XKR6: variants seen among roughly 807,000 people sequenced by gnomAD.
The protein encoded by XKR6 is XK-related protein 6.
In XKR6, 22 loss-of-function variants were observed where a neutral mutation model predicts 56.7. The observed-to-expected ratio is 0.39, with a 90% CI of 0.28 to 0.55. The LOEUF (loss-of-function observed/expected upper bound fraction) is 0.55. Among genes scored for constraint, XKR6 ranks in the 20% least tolerant of loss-of-function variants. The probability of loss-of-function intolerance (pLI) is 0.66; values close to 1 mark genes in which losing one functional copy is unlikely to be tolerated. For synonymous variants in XKR6, 524 were observed against 387.8 expected (o/e 1.35, Z -4.13); for missense variants, 852 against 889.0 (o/e 0.96, Z 0.53).
At chr8:10,955,167 C>T (rs533472949) in intron 1 of XKR6, among the ~76,000 whole-genome samples, 2 of 152,150 alleles carry the variant, frequency 1.3e-5, no homozygotes, top group East Asian at 1.9e-4. Flanking sequence ...CTGCACCCAG[C>T]CCCCGGCTTC....
intron 1 of XKR6, among the ~76,000 whole-genome samples, chr8:11,039,538 C>T (rs1240532876): frequency 6.6e-6 from 1 of 152,246 alleles, no homozygotes; most frequent in Non-Finnish European, 1.5e-5. Context: ...TTGACGGACC[C>T]ATGGCTGGGG....
intron 1 of XKR6, among the ~76,000 whole-genome samples, chr8:11,122,719 T>C (rs540515944): frequency 2.3e-4 from 35 of 152,238 alleles, no homozygotes; most frequent in Non-Finnish European, 4.1e-4. Flanking sequence ...CTGTTTACCA[T>C]TGGTAATCAC....
intron 1 of XKR6, among the ~76,000 whole-genome samples, chr8:10,973,533 G>C (rs1802466703): frequency 6.6e-6 from 1 of 152,138 alleles, no homozygotes; most frequent in Admixed American, 6.5e-5. Flanking sequence ...CTGATGCTCA[G>C]GGAAAGCGTA....
chr8:11,024,930 C>T (rs902011883), intron 1 of XKR6, among the ~76,000 whole-genome samples: 2 of 152,246 alleles, frequency 1.3e-5, no homozygotes, highest in Admixed American at 6.5e-5. Context: ...GCCACACACT[C>T]ACCATTAGGT....
chr8:11,182,194 G>C (rs914608796), intron 1 of XKR6, among the ~76,000 whole-genome samples: 5 of 152,230 alleles, frequency 3.3e-5, no homozygotes, highest in Non-Finnish European at 7.3e-5. Context: ...CTCCAAAAGG[G>C]AGGACCAGGC....
chr8:11,166,903 A>G (rs528076224), intron 1 of XKR6, among the ~76,000 whole-genome samples: 3 of 152,324 alleles, frequency 2.0e-5, no homozygotes, highest in Admixed American at 1.3e-4. Context: ...GGAAAATATT[A>G]ACACTAGTAT....
At chr8:11,033,915 A>C (rs1334776265) in intron 1 of XKR6, among the ~76,000 whole-genome samples, 1 of 152,198 alleles carries the variant, frequency 6.6e-6, no homozygotes, top group Non-Finnish European at 1.5e-5. Context: ...ACAAATGAGG[A>C]AACTGAGGCC....
At chr8:11,169,355 C>T (rs1802248243) in intron 1 of XKR6, among the ~76,000 whole-genome samples, 1 of 152,150 alleles carries the variant, frequency 6.6e-6, no homozygotes. Flanking sequence ...GCATTGGTGA[C>T]ACTCTAACAG....
chr8:11,185,817 T>G (rs1035164068), intron 1 of XKR6, among the ~76,000 whole-genome samples: 2 of 152,204 alleles, frequency 1.3e-5, no homozygotes, highest in Non-Finnish European at 2.9e-5. Flanking sequence ...AAAGAAAAAT[T>G]ATTTAAAACT....
chr8:10,900,315 C>T (rs1458991802), intron 2 of XKR6, among the ~76,000 whole-genome samples: 2 of 152,162 alleles, frequency 1.3e-5, no homozygotes, highest in African/African-American at 2.4e-5. Flanking sequence ...CTCGTCTCTC[C>T]CCGGGACCTG....
intron 1 of XKR6, among the ~76,000 whole-genome samples, chr8:11,081,160 T>G (rs527457964): frequency 6.6e-6 from 1 of 152,206 alleles, no homozygotes; most frequent in Non-Finnish European, 1.5e-5. Flanking sequence ...CTGAGAAAAG[T>G]AAGGATACTT....
At chr8:11,119,770 T>C (rs1378613957) in intron 1 of XKR6, among the ~76,000 whole-genome samples, 2 of 152,094 alleles carry the variant, frequency 1.3e-5, no homozygotes, top group Non-Finnish European at 2.9e-5. Context: ...TGATGAACAT[T>C]GATGCAAAAA....
intron 1 of XKR6, among the ~76,000 whole-genome samples, chr8:11,013,007 C>T (rs1267209371): frequency 1.3e-5 from 2 of 152,178 alleles, no homozygotes; most frequent in Admixed American, 1.3e-4. Flanking sequence ...TGTAGACATG[C>T]CTTATCCTTC....
At chr8:11,058,974 A>G (rs1386388415) in intron 1 of XKR6, among the ~76,000 whole-genome samples, 2 of 152,238 alleles carry the variant, frequency 1.3e-5, no homozygotes, top group African/African-American at 4.8e-5. Context: ...GGTGGGTGGG[A>G]TTATCCCCGC....
chr8:11,176,518 T>A (rs1049710672), intron 1 of XKR6, among the ~76,000 whole-genome samples: 1 of 152,208 alleles, frequency 6.6e-6, no homozygotes, highest in East Asian at 1.9e-4. Flanking sequence ...AACGTTTGTA[T>A]ATATTTTTAA....
intron 1 of XKR6, among the ~76,000 whole-genome samples, chr8:11,031,294 A>G (rs1297917745): frequency 6.6e-6 from 1 of 152,246 alleles, no homozygotes; most frequent in Non-Finnish European, 1.5e-5. Context: ...CCTAATCCAC[A>G]GTGACCCAAC....
chr8:11,173,383 A>G (rs4841506), intron 1 of XKR6, among the ~76,000 whole-genome samples: 41,321 of 149,440 alleles, frequency 0.28, 6,992 homozygotes, highest in Middle Eastern at 0.39. Context: ...ACACACACAC[A>G]CACAAATATA....
At chr8:10,920,206 G>A (rs1350957561) in intron 2 of XKR6, among the ~76,000 whole-genome samples, 1 of 151,956 alleles carries the variant, frequency 6.6e-6, no homozygotes, top group Non-Finnish European at 1.5e-5. Context: ...CAAGGTCGGT[G>A]AGCCACAGGT....
Position 11,001,822 on chromosome 8 carries a change from G to A in XKR6, c.765-76992C>T, listed in dbSNP as rs534098224. Among the ~76,000 whole-genome samples, 223 of 152,282 alleles carry A rather than the reference G, an allele frequency of 1.5e-3. 3 individuals carry two copies. The highest frequency in any genetic ancestry group is 5.0e-3 in the African/African-American group (208 of 41,562). On this transcript the variant is annotated intron_variant, in intron 1 of 2. Transcript: ENST00000416569. ...CAGCCCAGGCCAGCAGCTCACTGCC[G>A]GTCAGGGGCAAGCGGCACTGTGCTG...
Sources: allele counts gnomAD v4.1 joint callset (sites outside exome capture counted in the v4.1 genomes callset), GRCh38; gene constraint gnomAD v4.1.1; transcripts MANE v1.5; gene names NCBI Gene and HGNC (gene_info 2026-07-23, HGNC 2026-07-21).